The following CSGALNACT1 variants were observed in gnomAD, a reference collection of about 807,000 sequenced individuals.
CSGALNACT1 encodes the protein beta4GalNAcT-1.
Under a neutral mutation model 51.0 loss-of-function variants are expected in CSGALNACT1, and 52 were observed. The ratio of observed to expected loss-of-function variants is 1.02; its 90% confidence interval spans 0.82 to 1.29. CSGALNACT1 has a LOEUF of 1.29. CSGALNACT1 is among the 50% of genes most tolerant of loss of function. CSGALNACT1 has a pLI of 0.00. For synonymous variants in CSGALNACT1, 341 were observed against 254.4 expected (o/e 1.34, Z -3.24); for missense variants, 935 against 679.2 (o/e 1.38, Z -4.19).
intron 3 of CSGALNACT1, among the ~76,000 whole-genome samples, chr8:19,526,045 C>T (rs953098324): frequency 2.0e-5 from 3 of 152,286 alleles, no homozygotes; most frequent in Non-Finnish European, 4.4e-5. Flanking sequence ...TCCTATAAAT[C>T]CGTAATTATT....
chr8:19,509,136 T>C (rs142729857), intron 3 of CSGALNACT1, among the ~76,000 whole-genome samples: 7 of 152,340 alleles, frequency 4.6e-5, no homozygotes, highest in African/African-American at 1.2e-4. Flanking sequence ...CAAAATTCCA[T>C]TCTTTAACAG....
chr8:19,651,296 A>C (rs2057780188), intron 1 of CSGALNACT1, among the ~76,000 whole-genome samples: 1 of 152,148 alleles, frequency 6.6e-6, no homozygotes, highest in African/African-American at 2.4e-5. Context: ...GTTCAGGGGT[A>C]CATGTACATG....
intron 1 of CSGALNACT1, among the ~76,000 whole-genome samples, chr8:19,733,829 G>A (rs113005767): frequency 2.0e-5 from 3 of 152,068 alleles, no homozygotes; most frequent in South Asian, 2.1e-4. Flanking sequence ...TATTGTACAT[G>A]AAAGTAGCCA....
intron 3 of CSGALNACT1, among the ~76,000 whole-genome samples, chr8:19,540,731 C>T (rs1040066639): frequency 1.3e-5 from 2 of 152,204 alleles, no homozygotes; most frequent in African/African-American, 4.8e-5. Context: ...GTCACGCTGT[C>T]TTCTTGCCTG....
intron 4 of CSGALNACT1, among the ~76,000 whole-genome samples, chr8:19,488,380 T>C (rs1245654432): frequency 9.7e-4 from 17 of 17,604 alleles, no homozygotes; most frequent in East Asian, 1.4e-3. Context: ...CATATATATA[T>C]ATATATATAT....
chr8:19,524,903 A>G (rs2081368829), intron 3 of CSGALNACT1, among the ~76,000 whole-genome samples: 1 of 152,222 alleles, frequency 6.6e-6, no homozygotes. Context: ...TGCTGGAAAT[A>G]AAGAGAGAAA....
intron 4 of CSGALNACT1, among the ~76,000 whole-genome samples, chr8:19,486,930 C>T (rs548588872): frequency 6.6e-5 from 10 of 152,276 alleles, no homozygotes; most frequent in African/African-American, 2.2e-4. Context: ...GAAAAGGTAA[C>T]CAAAAAGGCT....
intron 1 of CSGALNACT1, among the ~76,000 whole-genome samples, chr8:19,752,079 TG>T (rs1381880104): frequency 2.7e-5 from 4 of 146,516 alleles, no homozygotes; most frequent in African/African-American, 1.0e-4. Context: ...TATGATATGA[TG>T]ATGATGATAA....
intron 3 of CSGALNACT1, among the ~76,000 whole-genome samples, chr8:19,566,568 C>T (rs1314127685): frequency 1.3e-5 from 2 of 151,938 alleles, no homozygotes; most frequent in Non-Finnish European, 2.9e-5. Context: ...TATTAGTTAC[C>T]AAAAAAGATG....
At chr8:19,651,925 GTT>G (rs1564352102) in intron 1 of CSGALNACT1, among the ~76,000 whole-genome samples, 56 of 40,834 alleles carry the variant, frequency 1.4e-3, no homozygotes, top group Non-Finnish European at 3.2e-3. Context: ...GTTTTTTTTT[GTT>G]TTGTTTTGTT....
At chr8:19,443,174 A>C (rs1046898283) in intron 5 of CSGALNACT1, among the ~76,000 whole-genome samples, 1 of 152,216 alleles carries the variant, frequency 6.6e-6, no homozygotes, top group African/African-American at 2.4e-5. Context: ...CTCAAGAGAA[A>C]GCAGTGGCTA....
intron 3 of CSGALNACT1, among the ~76,000 whole-genome samples, chr8:19,522,353 G>T (rs1271200688): frequency 6.6e-6 from 1 of 152,026 alleles, no homozygotes; most frequent in Admixed American, 6.6e-5. Context: ...CTCTAAATTT[G>T]CACTTTCCAA....
intron 1 of CSGALNACT1, among the ~76,000 whole-genome samples, chr8:19,627,154 T>G (rs2054558952): frequency 6.6e-6 from 1 of 152,190 alleles, no homozygotes; most frequent in Non-Finnish European, 1.5e-5. Flanking sequence ...AACCCAAATG[T>G]CTTTCAGAGA....
intron 6 of CSGALNACT1, among the ~76,000 whole-genome samples, chr8:19,430,575 A>T (rs1207778573): frequency 6.6e-6 from 1 of 152,188 alleles, no homozygotes; most frequent in African/African-American, 2.4e-5. Context: ...CTATATTTTT[A>T]TAGCAGTAGC....
At chr8:19,610,478 C>T (rs1356726081) in intron 1 of CSGALNACT1, among the ~76,000 whole-genome samples, 1 of 151,946 alleles carries the variant, frequency 6.6e-6, no homozygotes, top group African/African-American at 2.4e-5. Context: ...TATAAAAACT[C>T]CCGAGACCCC....
chr8:19,710,321 A>C (rs2062426535), intron 1 of CSGALNACT1, among the ~76,000 whole-genome samples: 1 of 152,214 alleles, frequency 6.6e-6, no homozygotes, highest in Non-Finnish European at 1.5e-5. Context: ...TCAGTTCAGC[A>C]AGATTGCTGC....
intron 6 of CSGALNACT1, among the ~76,000 whole-genome samples, chr8:19,439,363 G>A (rs1033741660): frequency 2.6e-5 from 4 of 152,312 alleles, no homozygotes; most frequent in African/African-American, 9.6e-5. Context: ...AATACTTAAC[G>A]AATGAAAGCC....
At chr8:19,675,970 T>A (rs969938372) in intron 1 of CSGALNACT1, among the ~76,000 whole-genome samples, 1 of 151,606 alleles carries the variant, frequency 6.6e-6, no homozygotes, top group African/African-American at 2.4e-5. Context: ...AGACCCAAAG[T>A]GGAAAGCCAG....
intron 3 of CSGALNACT1, among the ~76,000 whole-genome samples, chr8:19,545,690 C>A (rs1044952374): frequency 6.6e-6 from 1 of 151,638 alleles, no homozygotes; most frequent in African/African-American, 2.4e-5. Flanking sequence ...ATGGTTAATG[C>A]GAAACTATAA....
Sources: gnomAD v4.1 joint callset for allele counts (sites outside exome capture counted in the v4.1 genomes callset) on GRCh38, gnomAD v4.1.1 for gene constraint, MANE v1.5 for transcripts, NCBI Gene and HGNC (gene_info 2026-07-23, HGNC 2026-07-21) for gene names.